The following IL12RB2 variants were observed in gnomAD, a reference collection of about 807,000 sequenced individuals.
The protein encoded by IL12RB2 is interleukin-12 receptor subunit beta-2.
A neutral mutation model predicts 89.4 loss-of-function variants in IL12RB2; 82 were observed. The observed-to-expected ratio is 0.92, with a 90% CI of 0.77 to 1.10. The LOEUF is 1.10. Ranked by LOEUF, IL12RB2 falls within the 50% of genes least tolerant of loss-of-function variation. IL12RB2 has a pLI of 0.00. For synonymous variants in IL12RB2, 368 were observed against 370.1 expected, an observed-to-expected ratio of 0.99 and a Z score of 0.07; for missense variants, 963 against 1,031.9, an observed-to-expected ratio of 0.93 and a Z score of 0.92.
intron 10 of IL12RB2, 124 bp downstream of exon 10, chr1:67,351,213 G>A: frequency 6.7e-7 from 1 of 1,499,914 alleles, no homozygotes; most frequent in Non-Finnish European, 9.0e-7. Context: ...GGAGTCAACA[G>A]CTTTCAGAGG....
Position 67,395,689 on chromosome 1 carries a change from A to G in IL12RB2, c.2189A>G (p.Glu730Gly). 1 of 1,613,874 alleles carries G rather than the reference A, an allele frequency of 6.2e-7. No homozygotes were observed. ...CCCTGCTCCAACTGGCCACAAAGGG[A>G]AAAAGGAATCCAAGGTCATCAGGCC... Reference protein sequence around the residue: ...HPPCSNWPQREKGIQGHQASE... With the variant: ...HPPCSNWPQRGKGIQGHQASE... Residue 730 changes from glutamate (E) to glycine (G), a missense_variant, in exon 17 of 17, where the codon GAA becomes GGA. Coordinates refer to ENST00000674203, the MANE Select transcript of IL12RB2 (RefSeq NM_001374259.2).
chr1:67,367,462 G>GGGAGGGAAGGAAGGAAGGAA (rs1553124366), intron 10 of IL12RB2, among the ~76,000 whole-genome samples: 2 of 127,290 alleles, frequency 1.6e-5, no homozygotes, highest in Non-Finnish European at 3.2e-5. Flanking sequence ...AAAGGAACGA[G>GGGAGGGAAGGAAGGAAGGAA]GGAAGGAAGG....
intron 10 of IL12RB2, among the ~76,000 whole-genome samples, chr1:67,362,579 A>G (rs1388899752): frequency 1.3e-5 from 2 of 149,650 alleles, no homozygotes; most frequent in Non-Finnish European, 3.0e-5. Flanking sequence ...TCTCAAAAAA[A>G]AAAAAAAAAA....
Position 67,396,106 on chromosome 1 carries a change from C to T in IL12RB2, c.*17C>T. On this transcript the variant is annotated 3_prime_UTR_variant, in exon 17 of 17. Transcript: ENST00000674203. ...ATGCTCTGAGTGGTGAGGCTTCAAG[C>T]CTTAAAGTCAGTGTGCCCTCAACCA... 6.7e-7 allele frequency: 1 copy of T among 1,500,196 alleles called. No homozygotes were observed. The highest frequency in any genetic ancestry group is 1.1e-5 in the South Asian group (1 of 88,848). 92.9% of individuals were successfully genotyped at this position (1,500,196 alleles called of 1,614,324 possible).
intron 10 of IL12RB2, among the ~76,000 whole-genome samples, chr1:67,358,835 A>G (rs1174411553): frequency 1.3e-5 from 2 of 152,184 alleles, no homozygotes; most frequent in African/African-American, 2.4e-5. Flanking sequence ...TTTTAAATAA[A>G]TAAGTGTTAA....
intron 10 of IL12RB2, among the ~76,000 whole-genome samples, chr1:67,362,920 T>TTTTTTA (rs1662267463): frequency 6.6e-6 from 1 of 151,778 alleles, no homozygotes. Flanking sequence ...TTTTTTTTTT[T>TTTTTTA]TGTGACGGAG....
chr1:67,308,277 G>A (rs1654546099), intron 1 of IL12RB2, among the ~76,000 whole-genome samples: 1 of 152,004 alleles, frequency 6.6e-6, no homozygotes, highest in African/African-American at 2.4e-5. Flanking sequence ...TCTGGGCCGG[G>A]GCACAGAGTG....
intron 10 of IL12RB2, among the ~76,000 whole-genome samples, chr1:67,360,414 AAGG>A (rs1661901945): frequency 6.6e-6 from 1 of 151,332 alleles, no homozygotes; most frequent in Non-Finnish European, 1.5e-5. Flanking sequence ...AAAAAAAAAA[AAGG>A]AGATTGACCA....
chr1:67,393,685 C>T (rs746151263), intron 16 of IL12RB2, among the ~76,000 whole-genome samples: 11 of 152,182 alleles, frequency 7.2e-5, no homozygotes, highest in Non-Finnish European at 1.5e-4. Context: ...GTTCACTTTC[C>T]TGACACTTGC....
At position 67,318,173 on chromosome 1, in the gene IL12RB2, T is replaced by A. The variant is rs1214959867; in HGVS notation, c.-36-2160T>A. On this transcript the variant is annotated intron_variant, in intron 2 of 16. Coordinates refer to ENST00000674203, the MANE Select transcript of IL12RB2 (RefSeq NM_001374259.2). ...AAAGGGCATTGTTCAAGGAACAGTCTGAAGGCCAGTGTGAATGGAGCAGAG... is the reference window on the plus strand; with the variant it reads ...AAAGGGCATTGTTCAAGGAACAGTCAGAAGGCCAGTGTGAATGGAGCAGAG... 2.0e-5 allele frequency among the ~76,000 whole-genome samples: 3 copies of A among 152,208 alleles called. No homozygotes were observed. In the East Asian group the frequency reaches 5.8e-4, roughly 29 times the overall value.
Position 67,382,457 on chromosome 1 carries a change from C to T in IL12RB2, c.1855+2334C>T, listed in dbSNP as rs1395570831. ...TCTTGTTGTAACTCATCAGTGGTTC[C>T]CCAGGGGCCTTCAAGCTAGAACTCA... On this transcript the variant is annotated intron_variant, in intron 14 of 16. Transcript: ENST00000674203. Among the ~76,000 whole-genome samples the T allele has an allele frequency of 6.4e-5, 8 of 124,986 alleles. No homozygotes were observed. In the South Asian group the frequency reaches 2.3e-3, roughly 36 times the overall value. 82.0% of individuals were successfully genotyped at this position (124,986 alleles called of 152,430 possible). A position where few individuals can be genotyped will look rare whatever the true frequency, so the allele number is the denominator to read the frequency against.
At chr1:67,337,769 A>G (rs901523550) in intron 8 of IL12RB2, among the ~76,000 whole-genome samples, 5 of 152,164 alleles carry the variant, frequency 3.3e-5, no homozygotes, top group African/African-American at 4.8e-5. Flanking sequence ...TAATTGTACT[A>G]TACCATGATA....
At chr1:67,355,547 G>A (rs757677677) in intron 10 of IL12RB2, among the ~76,000 whole-genome samples, 19 of 151,892 alleles carry the variant, frequency 1.3e-4, no homozygotes, top group Non-Finnish European at 2.4e-4. Flanking sequence ...AGAGTCAGAA[G>A]CCAGTATGGT....
At chr1:67,349,378 C>T (rs977284543) in intron 9 of IL12RB2, among the ~76,000 whole-genome samples, 14 of 152,146 alleles carry the variant, frequency 9.2e-5, no homozygotes, top group African/African-American at 1.4e-4. Context: ...TAGGGAACAA[C>T]GGAGTGAGAG....
At chr1:67,322,755 G>T (rs1656740928) in intron 4 of IL12RB2, among the ~76,000 whole-genome samples, 1 of 152,228 alleles carries the variant, frequency 6.6e-6, no homozygotes, top group South Asian at 2.1e-4. Context: ...TTGCATTGCT[G>T]GTCCCTTCAG....
At position 67,326,847 on chromosome 1, in the gene IL12RB2, A is replaced by G; in HGVS notation, c.477A>G (p.Leu159=). 2.0e-6 allele frequency: 3 copies of G among 1,528,416 alleles called. No individual in the cohort carries two copies. Among genetic ancestry groups the G allele is most frequent in the Non-Finnish European group, 2.7e-6 (3 of 1,130,356 alleles). 94.7% of individuals were successfully genotyped at this position (1,528,416 alleles called of 1,614,324 possible). The change falls in exon 5 of 17, where the codon CTA becomes CTG. Residue 159 remains leucine, a splice_region_variant and synonymous_variant. Transcript: ENST00000674203. ...RDTHLYTEYT[L]QLSGPKNLTW... ...CCCACTTATACACTGAGTATACTCTACAGTGAGTGAGAGGCTGTATTTTTG... is the reference window on the plus strand; with the variant it reads ...CCCACTTATACACTGAGTATACTCTGCAGTGAGTGAGAGGCTGTATTTTTG...
chr1:67,372,982 A>G (rs1663538341), intron 13 of IL12RB2, among the ~76,000 whole-genome samples, 199 bp downstream of exon 13: 1 of 152,254 alleles, frequency 6.6e-6, no homozygotes, highest in South Asian at 2.1e-4. Context: ...AGGTTATTGA[A>G]TATGTGTTAT....
rs1303968524 is a variant in IL12RB2, at chr1:67,395,778, A to T, written c.2278A>T (p.Ser760Cys). 6.2e-7 allele frequency: 1 copy of T among 1,614,020 alleles called. No homozygotes were observed. Among genetic ancestry groups the T allele is most frequent in the African/African-American group, 1.3e-5 (1 of 74,942 alleles). Residue 760 changes from serine to cysteine, a missense_variant, in exon 17 of 17, where the codon AGC becomes TGC. Coordinates refer to ENST00000674203, the MANE Select transcript of IL12RB2 (RefSeq NM_001374259.2). ...ACCTCCAAGAGCTCTCCAAGCTGAG[A>T]GCAGACAACTGGTGGATCTGTACAA... is the stretch of plus-strand genomic sequence containing the variant. ...PPPPRALQAE[S>C]RQLVDLYKVL...
At chr1:67,372,413 T>C (rs562093019) in intron 11 of IL12RB2, 23 bp from the exon 12 acceptor site, 128 of 1,273,856 alleles carry the variant, frequency 1.0e-4, no homozygotes, top group Middle Eastern at 1.9e-4. Context: ...ACGGCTGTTA[T>C]GGGAATTCCC....
Sources: allele counts gnomAD v4.1 joint callset (sites outside exome capture counted in the v4.1 genomes callset), GRCh38; gene constraint gnomAD v4.1.1; transcripts MANE v1.5; gene names NCBI Gene and HGNC (gene_info 2026-07-23, HGNC 2026-07-21).